The following HS6ST3 variants were observed in gnomAD, a reference collection of about 807,000 sequenced individuals.
The protein encoded by HS6ST3 is heparan sulfate 6-O-sulfotransferase 3.
HS6ST3 carries 12 observed loss-of-function variants against 36.7 expected under a neutral mutation model. That is an observed-to-expected ratio of 0.33 (90% CI 0.21 to 0.53). HS6ST3 has a LOEUF of 0.53. Ranked by LOEUF, HS6ST3 falls within the 20% of genes least tolerant of loss-of-function variation. The pLI is 0.95. For missense variants in HS6ST3, 584 were observed against 640.9 expected, an observed-to-expected ratio of 0.91 and a Z score of 0.96; for synonymous variants, 240 against 257.5, an observed-to-expected ratio of 0.93 and a Z score of 0.65.
chr13:96,528,704 A>G (rs2056124237), intron 1 of HS6ST3, among the ~76,000 whole-genome samples: 1 of 152,198 alleles, frequency 6.6e-6, no homozygotes, highest in South Asian at 2.1e-4. Context: ...CTCTGAAGAC[A>G]TTACCACTTA....
intron 1 of HS6ST3, among the ~76,000 whole-genome samples, chr13:96,412,079 A>C (rs1219343475): frequency 1.3e-5 from 2 of 151,870 alleles, no homozygotes; most frequent in Admixed American, 1.3e-4. Flanking sequence ...ATCTCGGCTC[A>C]CTGCAACCTC....
chr13:96,768,019 G>A (rs1458393225), intron 1 of HS6ST3, among the ~76,000 whole-genome samples: 1 of 152,158 alleles, frequency 6.6e-6, no homozygotes, highest in Admixed American at 6.5e-5. Flanking sequence ...AATGGGTCAG[G>A]AACTGGAAAG....
intron 1 of HS6ST3, among the ~76,000 whole-genome samples, chr13:96,177,906 A>C (rs1293916479): frequency 6.6e-6 from 1 of 152,244 alleles, no homozygotes; most frequent in Non-Finnish European, 1.5e-5. Flanking sequence ...CAATTCAAAT[A>C]AACAATTGTG....
chr13:96,751,891 T>A (rs1219084147), intron 1 of HS6ST3, among the ~76,000 whole-genome samples: 1 of 150,616 alleles, frequency 6.6e-6, no homozygotes, highest in Non-Finnish European at 1.5e-5. Context: ...TTTATATATA[T>A]ATAAACTATA....
intron 1 of HS6ST3, among the ~76,000 whole-genome samples, chr13:96,751,153 G>T (rs992204571): frequency 2.0e-5 from 3 of 152,034 alleles, no homozygotes; most frequent in Non-Finnish European, 4.4e-5. Flanking sequence ...TGGCTTGAAG[G>T]GTGCTCCTCC....
chr13:96,555,894 G>A (rs915819680), intron 1 of HS6ST3, among the ~76,000 whole-genome samples: 10 of 152,012 alleles, frequency 6.6e-5, no homozygotes, highest in East Asian at 5.8e-4. Context: ...GAAAATCTTC[G>A]CAGATGTCAA....
intron 1 of HS6ST3, among the ~76,000 whole-genome samples, chr13:96,625,528 T>C (rs2056509071): frequency 6.6e-6 from 1 of 152,198 alleles, no homozygotes; most frequent in Non-Finnish European, 1.5e-5. Flanking sequence ...AACACTCAAT[T>C]GTTAATAATT....
At chr13:96,608,922 G>A (rs2056448004) in intron 1 of HS6ST3, among the ~76,000 whole-genome samples, 1 of 151,960 alleles carries the variant, frequency 6.6e-6, no homozygotes, top group African/African-American at 2.4e-5. Context: ...TTGTGTGTGT[G>A]TATGTGTAGA....
intron 1 of HS6ST3, among the ~76,000 whole-genome samples, chr13:96,610,880 C>A (rs536246347): frequency 6.7e-6 from 1 of 150,334 alleles, no homozygotes; most frequent in African/African-American, 2.4e-5. Flanking sequence ...AACAAAACAA[C>A]CCCACAACTT....
At chr13:96,184,340 T>G (rs969889092) in intron 1 of HS6ST3, among the ~76,000 whole-genome samples, 4 of 144,512 alleles carry the variant, frequency 2.8e-5, no homozygotes, top group East Asian at 2.2e-4. Context: ...GTACTTGGAA[T>G]TTTTTCCTCG....
chr13:96,513,742 G>A (rs1293618162), intron 1 of HS6ST3, among the ~76,000 whole-genome samples: 1 of 152,032 alleles, frequency 6.6e-6, no homozygotes, highest in Admixed American at 6.6e-5. Flanking sequence ...ATTTCATTAT[G>A]CACCATCATA....
intron 1 of HS6ST3, among the ~76,000 whole-genome samples, chr13:96,340,264 G>A (rs774680851): frequency 9.2e-5 from 14 of 152,318 alleles, no homozygotes; most frequent in Non-Finnish European, 1.6e-4. Flanking sequence ...GAAACAAAAA[G>A]CAACACAATC....
At chr13:96,730,149 T>C (rs773717781) in intron 1 of HS6ST3, among the ~76,000 whole-genome samples, 1 of 152,230 alleles carries the variant, frequency 6.6e-6, no homozygotes, top group Non-Finnish European at 1.5e-5. Flanking sequence ...TTAGTGTCAT[T>C]TGGAAATTTC....
intron 1 of HS6ST3, among the ~76,000 whole-genome samples, chr13:96,686,851 A>C (rs1295292192): frequency 6.6e-6 from 1 of 152,008 alleles, no homozygotes; most frequent in Non-Finnish European, 1.5e-5. Context: ...TAACAGATAC[A>C]CTTTATTACA....
chr13:96,525,474 C>T (rs569899842), intron 1 of HS6ST3, among the ~76,000 whole-genome samples: 4 of 152,050 alleles, frequency 2.6e-5, no homozygotes, highest in African/African-American at 9.7e-5. Context: ...CCTCTACAGC[C>T]GACAGGTTAT....
chr13:96,312,563 A>T (rs1358921955), intron 1 of HS6ST3, among the ~76,000 whole-genome samples: 2 of 152,112 alleles, frequency 1.3e-5, no homozygotes, highest in Non-Finnish European at 2.9e-5. Flanking sequence ...AAATCTCCTT[A>T]ATAAAATTAA....
At chr13:96,445,253 C>G (rs2055692541) in intron 1 of HS6ST3, among the ~76,000 whole-genome samples, 1 of 152,078 alleles carries the variant, frequency 6.6e-6, no homozygotes, top group South Asian at 2.1e-4. Flanking sequence ...AACATTGAAG[C>G]TATTACAATT....
chr13:96,587,009 G>A (rs1287794548), intron 1 of HS6ST3, among the ~76,000 whole-genome samples: 1 of 152,046 alleles, frequency 6.6e-6, no homozygotes, highest in African/African-American at 2.4e-5. Flanking sequence ...TTTTCTATAT[G>A]TAGTTGTTTT....
At chr13:96,486,172 T>C (rs568773971) in intron 1 of HS6ST3, among the ~76,000 whole-genome samples, 36 of 152,250 alleles carry the variant, frequency 2.4e-4, no homozygotes, top group African/African-American at 8.4e-4. Context: ...GCTTCATCTA[T>C]GTCCCTACAA....
Sources: gnomAD v4.1 joint callset for allele counts (sites outside exome capture counted in the v4.1 genomes callset) on GRCh38, gnomAD v4.1.1 for gene constraint, MANE v1.5 for transcripts, NCBI Gene and HGNC (gene_info 2026-07-23, HGNC 2026-07-21) for gene names.